EBF1: variants seen among roughly 807,000 people sequenced by gnomAD.
The protein encoded by EBF1 is EBF transcription factor 1, also known as transcription factor COE1.
A neutral mutation model predicts 68.4 loss-of-function variants in EBF1; 10 were observed. That is an observed-to-expected ratio of 0.15 (90% CI 0.09 to 0.25). The LOEUF (loss-of-function observed/expected upper bound fraction) is 0.25, where lower values mean the gene tolerates loss of function less well. Among genes scored for constraint, EBF1 ranks in the 10% least tolerant of loss-of-function variants. The pLI is 1.00. For synonymous variants in EBF1, 298 were observed against 299.8 expected (o/e 0.99, Z 0.06); for missense variants, 509 against 794.4 (o/e 0.64, Z 4.32).
At chr5:158,797,395 T>C (rs995573978) in intron 8 of EBF1, among the ~76,000 whole-genome samples, 2 of 152,230 alleles carry the variant, frequency 1.3e-5, no homozygotes, top group South Asian at 4.1e-4. Flanking sequence ...TACAGTGTCA[T>C]GCTTCTGTTC....
chr5:158,794,006 C>G (rs1779174645), intron 9 of EBF1, among the ~76,000 whole-genome samples: 1 of 152,212 alleles, frequency 6.6e-6, no homozygotes, highest in Admixed American at 6.5e-5. Flanking sequence ...AGTCCTACAT[C>G]CAGGTACCCA....
intron 9 of EBF1, among the ~76,000 whole-genome samples, chr5:158,786,164 A>G (rs1777403269): frequency 6.6e-6 from 1 of 152,092 alleles, no homozygotes; most frequent in Non-Finnish European, 1.5e-5. Flanking sequence ...AACAAACAAC[A>G]ACAAAAAAAA....
chr5:158,806,650 A>AC lies in EBF1; in HGVS notation c.779-10176dup, dbSNP rs1437974201. ...AGACTTCCTATTTAAGCTTAAGATG[A>AC]CTTACACTTATTGCTATGAATGTGC... On this transcript the variant is annotated intron_variant, in intron 8 of 15. Coordinates refer to ENST00000313708, the MANE Select transcript of EBF1 (RefSeq NM_024007.5). 5.3e-5 allele frequency among the ~76,000 whole-genome samples: 8 copies of AC among 152,302 alleles called. No homozygotes were observed. The South Asian group carries it at 6.2e-4, about 12-fold the overall frequency.
intron 6 of EBF1, among the ~76,000 whole-genome samples, chr5:158,981,937 C>T (rs906060490): frequency 3.5e-4 from 53 of 152,190 alleles, no homozygotes; most frequent in African/African-American, 1.3e-3. Context: ...CATTAACATA[C>T]AGATCTGAGA....
At chr5:158,920,782 A>G (rs1808245203) in intron 6 of EBF1, among the ~76,000 whole-genome samples, 1 of 151,944 alleles carries the variant, frequency 6.6e-6, no homozygotes, top group Non-Finnish European at 1.5e-5. Flanking sequence ...AGTCAATCAC[A>G]CCTCATAGAT....
In EBF1 at chr5:158,970,024, A is replaced by G. The variant is rs182885217; in HGVS notation, c.554+103372T>C. The stretch of plus-strand genomic sequence containing the variant: ...AATCTGCCCCTTTTTAGGCACATGA[A>G]AAATGACAAACCTAACCCGTACTAC... On this transcript the variant is annotated intron_variant, in intron 6 of 15. Transcript: ENST00000313708. 7.2e-5 allele frequency among the ~76,000 whole-genome samples: 11 copies of G among 152,280 alleles called. No individual in the cohort carries two copies. In the East Asian group the frequency reaches 2.1e-3, roughly 29 times the overall value.
intron 6 of EBF1, among the ~76,000 whole-genome samples, chr5:158,951,736 T>C (rs1447251993): frequency 6.6e-6 from 1 of 151,612 alleles, no homozygotes; most frequent in Non-Finnish European, 1.5e-5. Flanking sequence ...TAATGACAAA[T>C]AAAAAGAAAA....
chr5:159,072,104 CA>C (rs576107137), intron 6 of EBF1, among the ~76,000 whole-genome samples: 55 of 152,272 alleles, frequency 3.6e-4, no homozygotes, highest in African/African-American at 1.3e-3. Flanking sequence ...CACACATCAC[CA>C]TATGTCAAAC....
At position 158,724,120 on chromosome 5, in the gene EBF1, TG is replaced by T. The variant is rs568395457; in HGVS notation, c.1125+6948del. 2.6e-5 allele frequency among the ~76,000 whole-genome samples: 4 copies of T among 152,186 alleles called. No individual in the cohort carries two copies. In the South Asian group the frequency reaches 8.3e-4, roughly 32 times the overall value. ...TAGATACAGGAGAGAGTGGGGGAAA[TG>T]GACAGCATTCCATAGCTTGTGTTTT... On this transcript the variant is annotated intron_variant, in intron 11 of 15. Transcript: ENST00000313708.
chr5:158,806,186 T>G (rs895098698), intron 8 of EBF1, among the ~76,000 whole-genome samples: 2 of 152,036 alleles, frequency 1.3e-5, no homozygotes, highest in African/African-American at 4.8e-5. Flanking sequence ...GCTCTGGGTT[T>G]CAACTCTATG....
intron 10 of EBF1, among the ~76,000 whole-genome samples, chr5:158,773,590 T>C (rs1214593356): frequency 1.3e-5 from 2 of 152,080 alleles, no homozygotes; most frequent in Non-Finnish European, 2.9e-5. Flanking sequence ...CTTGTCCTGG[T>C]GTCCCATTCT....
At chr5:159,060,504 A>G (rs1228846431) in intron 6 of EBF1, among the ~76,000 whole-genome samples, 2 of 152,228 alleles carry the variant, frequency 1.3e-5, no homozygotes, top group African/African-American at 2.4e-5. Context: ...GAAAAATGCA[A>G]CCTAGGTTCT....
chr5:159,062,144 GT>G (rs1775965046), intron 6 of EBF1, among the ~76,000 whole-genome samples: 1 of 152,184 alleles, frequency 6.6e-6, no homozygotes, highest in African/African-American at 2.4e-5. Context: ...AACCTGATTA[GT>G]TCAGCACATT....
At chr5:158,963,585 G>A (rs1046412439) in intron 6 of EBF1, among the ~76,000 whole-genome samples, 6 of 152,104 alleles carry the variant, frequency 3.9e-5, no homozygotes, top group African/African-American at 1.2e-4. Context: ...CAAATAGAAC[G>A]ACCCCAGGGA....
chr5:158,955,636 G>A (rs6556375), intron 6 of EBF1, among the ~76,000 whole-genome samples: 57,330 of 152,086 alleles, frequency 0.38, 11,097 homozygotes, highest in South Asian at 0.61. Flanking sequence ...GCTCTTCTTG[G>A]AAATCCAGGC....
chr5:158,882,762 G>T (rs548331092), intron 6 of EBF1, among the ~76,000 whole-genome samples: 1 of 152,202 alleles, frequency 6.6e-6, no homozygotes, highest in Non-Finnish European at 1.5e-5. Context: ...AGGAGGTTTC[G>T]ATAGCACAGG....
At chr5:159,067,308 CAA>C (rs1777018926) in intron 6 of EBF1, among the ~76,000 whole-genome samples, 1 of 152,148 alleles carries the variant, frequency 6.6e-6, no homozygotes, top group African/African-American at 2.4e-5. Context: ...GTTACAAAAG[CAA>C]AGTTATGATG....
At chr5:159,047,094 T>C (rs1772567695) in intron 6 of EBF1, among the ~76,000 whole-genome samples, 1 of 152,126 alleles carries the variant, frequency 6.6e-6, no homozygotes, top group Admixed American at 6.5e-5. Flanking sequence ...AATAGAATAG[T>C]AAACAAACAA....
At chr5:159,023,709 A>G (rs1334592375) in intron 6 of EBF1, among the ~76,000 whole-genome samples, 2 of 152,184 alleles carry the variant, frequency 1.3e-5, no homozygotes, top group African/African-American at 4.8e-5. Flanking sequence ...TTTCCATACC[A>G]CTCACTCTGT....
Sources: allele counts gnomAD v4.1 joint callset (sites outside exome capture counted in the v4.1 genomes callset), GRCh38; gene constraint gnomAD v4.1.1; transcripts MANE v1.5; gene names NCBI Gene and HGNC (gene_info 2026-07-23, HGNC 2026-07-21).